The following TMEM117 variants were observed in gnomAD, a reference collection of about 807,000 sequenced individuals.
The protein encoded by TMEM117 is transmembrane protein 117.
TMEM117 carries 27 observed loss-of-function variants against 52.4 expected under a neutral mutation model. The observed-to-expected ratio is 0.51, with a 90% CI of 0.38 to 0.71. TMEM117 has a LOEUF of 0.71. TMEM117 is among the 30% of genes least tolerant of loss of function. TMEM117 has a pLI of 0.00. For missense variants in TMEM117, 556 were observed against 630.5 expected, an observed-to-expected ratio of 0.88 and a Z score of 1.26; for synonymous variants, 215 against 206.3, an observed-to-expected ratio of 1.04 and a Z score of -0.36.
chr12:43,978,219 G>A (rs1041259893), intron 3 of TMEM117, among the ~76,000 whole-genome samples: 15 of 152,112 alleles, frequency 9.9e-5, no homozygotes, highest in African/African-American at 3.4e-4. Context: ...AAGCCAGTGG[G>A]CCAGGCAGTG....
chr12:44,147,734 C>T (rs966687583), intron 4 of TMEM117, among the ~76,000 whole-genome samples: 1 of 151,942 alleles, frequency 6.6e-6, no homozygotes, highest in Non-Finnish European at 1.5e-5. Context: ...CAGGAGCTCA[C>T]CAGCCTGGCC....
chr12:44,178,289 C>A (rs1019963941), intron 4 of TMEM117, among the ~76,000 whole-genome samples: 3 of 152,158 alleles, frequency 2.0e-5, no homozygotes, highest in African/African-American at 7.2e-5. Flanking sequence ...ACTACTAAGC[C>A]ATGCCACTCC....
At chr12:44,030,450 C>T (rs533029139) in intron 3 of TMEM117, among the ~76,000 whole-genome samples, 2 of 152,286 alleles carry the variant, frequency 1.3e-5, no homozygotes, top group African/African-American at 4.8e-5. Context: ...ATTAAAATCG[C>T]TTACTAACCA....
intron 3 of TMEM117, among the ~76,000 whole-genome samples, chr12:43,973,277 A>C (rs1282466892): frequency 6.6e-6 from 1 of 152,222 alleles, no homozygotes; most frequent in Non-Finnish European, 1.5e-5. Context: ...TAAGAGTGGC[A>C]AGACAAAAAA....
At chr12:44,326,224 C>T (rs565648409) in intron 6 of TMEM117, among the ~76,000 whole-genome samples, 8 of 151,974 alleles carry the variant, frequency 5.3e-5, no homozygotes, top group Non-Finnish European at 1.0e-4. Flanking sequence ...AAAAAAGAAC[C>T]CTGGCTTCTG....
chr12:44,341,507 A>T (rs911154903), intron 6 of TMEM117, among the ~76,000 whole-genome samples: 10 of 152,112 alleles, frequency 6.6e-5, no homozygotes, highest in African/African-American at 2.2e-4. Context: ...CTCTTTAATC[A>T]TCCATTGATG....
At chr12:43,837,612 G>A (rs1011978479) in intron 1 of TMEM117, among the ~76,000 whole-genome samples, 3 of 152,218 alleles carry the variant, frequency 2.0e-5, no homozygotes, top group East Asian at 3.9e-4. Flanking sequence ...CCAGAAATGC[G>A]GACATTACAG....
At chr12:44,391,865 T>C (rs986386213), downstream of TMEM117, among the ~76,000 whole-genome samples, 3 of 152,274 alleles carry the variant, frequency 2.0e-5, no homozygotes, top group South Asian at 2.1e-4. Context: ...TATGCTTATA[T>C]TGGTTTTTCC....
chr12:44,057,503 C>T (rs1417371712), intron 3 of TMEM117, among the ~76,000 whole-genome samples: 2 of 151,912 alleles, frequency 1.3e-5, no homozygotes, highest in African/African-American at 4.8e-5. Flanking sequence ...AGGTTTGTCT[C>T]TCTGAGTTAG....
chr12:43,811,705 A>T, the TMEM117 span, among the ~76,000 whole-genome samples: 1 of 152,246 alleles, frequency 6.6e-6, no homozygotes, highest in Non-Finnish European at 1.5e-5. Context: ...TTAGATTGCA[A>T]TTAGTGAGAA....
chr12:44,075,606 A>G (rs1947369888), intron 3 of TMEM117, among the ~76,000 whole-genome samples: 1 of 152,168 alleles, frequency 6.6e-6, no homozygotes, highest in Admixed American at 6.5e-5. Context: ...GGATCCTCCT[A>G]GGAAAGGATA....
chr12:43,805,016 A>G, the TMEM117 span, among the ~76,000 whole-genome samples: 1 of 152,264 alleles, frequency 6.6e-6, no homozygotes, highest in Non-Finnish European at 1.5e-5. Context: ...TATATATCAA[A>G]TATCCTAACT....
intron 2 of TMEM117, among the ~76,000 whole-genome samples, chr12:43,895,624 C>T (rs1004230946): frequency 6.6e-6 from 1 of 152,172 alleles, no homozygotes; most frequent in Non-Finnish European, 1.5e-5. Flanking sequence ...ATCAAAACAA[C>T]TGTCTGAAGT....
rs186073889 is a variant in TMEM117, at chr12:43,997,521, G to A, written c.410+53179G>A. On this transcript the variant is annotated intron_variant, in intron 3 of 7. Coordinates refer to ENST00000266534, the MANE Select transcript of TMEM117 (RefSeq NM_032256.3). ...ATCAATTTCTTTGCTAAAGATGACT[G>A]GTTTCTTTCTGCTTCTTCCTTTGCA... Among the ~76,000 whole-genome samples the A allele has an allele frequency of 2.4e-3, 359 of 152,098 alleles. 3 individuals are homozygous for A. Among genetic ancestry groups the A allele is most frequent in the African/African-American group, 8.2e-3 (339 of 41,478 alleles).
chr12:44,134,532 C>T (rs1391377538), intron 3 of TMEM117, among the ~76,000 whole-genome samples: 1 of 152,126 alleles, frequency 6.6e-6, no homozygotes, highest in Non-Finnish European at 1.5e-5. Flanking sequence ...TATGCGGAAA[C>T]AGTACATTAG....
chr12:44,261,990 T>G, intron 5 of TMEM117, among the ~76,000 whole-genome samples: 1 of 152,222 alleles, frequency 6.6e-6, no homozygotes, highest in East Asian at 1.9e-4. Context: ...AAATGGAATG[T>G]AAACAGCCAA....
chr12:43,819,084 C>T, the TMEM117 span, among the ~76,000 whole-genome samples: 2 of 152,144 alleles, frequency 1.3e-5, no homozygotes, highest in African/African-American at 2.4e-5. Context: ...CATTACCCCA[C>T]AGCTAGGGAT....
chr12:44,365,119 C>G (rs1951772556), intron 6 of TMEM117, among the ~76,000 whole-genome samples: 1 of 151,932 alleles, frequency 6.6e-6, no homozygotes, highest in Admixed American at 6.6e-5. Flanking sequence ...TATGCATTGG[C>G]AGTAAAAATT....
intron 2 of TMEM117, among the ~76,000 whole-genome samples, chr12:43,851,734 T>G (rs959475098): frequency 6.6e-6 from 1 of 152,186 alleles, no homozygotes; most frequent in Admixed American, 6.5e-5. Flanking sequence ...ATTTCATGGG[T>G]TTCAAAACCT....
Sources: gnomAD v4.1 joint callset for allele counts (sites outside exome capture counted in the v4.1 genomes callset) on GRCh38, gnomAD v4.1.1 for gene constraint, MANE v1.5 for transcripts, NCBI Gene and HGNC (gene_info 2026-07-23, HGNC 2026-07-21) for gene names.